The following TEP1 variants were observed in gnomAD, a reference collection of about 807,000 sequenced individuals.
TEP1 encodes the protein telomerase protein component 1.
Under a neutral mutation model 306.3 loss-of-function variants are expected in TEP1, and 241 were observed. The observed-to-expected ratio is 0.79, with a 90% CI of 0.71 to 0.88. The LOEUF is 0.88. Among genes scored for constraint, TEP1 ranks in the 40% least tolerant of loss-of-function variants. The pLI is 0.00. For synonymous variants in TEP1, 1,289 were observed against 1,305.5 expected, an observed-to-expected ratio of 0.99 and a Z score of 0.27; for missense variants, 3,051 against 3,276.1, an observed-to-expected ratio of 0.93 and a Z score of 1.68.
chr14:20,391,722 G>C lies in TEP1; in HGVS notation c.1974C>G (p.Ala658=), dbSNP rs770488810. 6.2e-7 allele frequency: 1 copy of C among 1,614,152 alleles called. No homozygotes were observed. Among genetic ancestry groups the C allele is most frequent in the Non-Finnish European group, 8.5e-7 (1 of 1,180,024 alleles). ...CAGAGAGGTTCACAGCTGTCTCTAG[G>C]GCCTGTCGGTACCTGTTCAGCATCT... ...DGEMLNRYRQ[A]LETAVNLSVK... is the part of the protein sequence containing the mutation. Residue 658 remains alanine (A), a synonymous_variant, in exon 13 of 55, where the codon GCC becomes GCG. Transcript: ENST00000262715.
At position 20,387,931 on chromosome 14, in the gene TEP1, G is replaced by A. The variant is rs1362735224; in HGVS notation, c.2658C>T (p.Ser886=). Residue 886 remains serine (S), a synonymous_variant, in exon 18 of 55, where the codon AGC becomes AGT. Coordinates refer to ENST00000262715, the MANE Select transcript of TEP1 (RefSeq NM_007110.5). ...SLRPLEEDTP[S]PLAPVSQQGW... ...CTTGCTGGGAAACAGGAGCCAAGGGGCTTGGAGTGTCCTCTTCCAGTGGCC... is the reference window on the plus strand; with the variant it reads ...CTTGCTGGGAAACAGGAGCCAAGGGACTTGGAGTGTCCTCTTCCAGTGGCC... 2 of 1,613,216 alleles carry A rather than the reference G, an allele frequency of 1.2e-6. No individual in the cohort carries two copies. Among genetic ancestry groups the A allele is most frequent in the Non-Finnish European group, 1.7e-6 (2 of 1,179,760 alleles).
At chr14:20,396,305 T>C (rs957580099) in intron 10 of TEP1, among the ~76,000 whole-genome samples, 2 of 152,164 alleles carry the variant, frequency 1.3e-5, no homozygotes, top group African/African-American at 4.8e-5. Flanking sequence ...CCCATCTCTA[T>C]AAATAAAAAA....
chr14:20,396,616 C>T lies in TEP1; in HGVS notation c.1659+5G>A. On this transcript the variant is annotated splice_donor_5th_base_variant and intron_variant, in intron 10 of 54. Transcript: ENST00000262715. ...GCCCCATGGCTACCAGCCCCTCACA[C>T]ATACCGCATGCTGGAGTCTCTGGAG... 1 of 1,604,242 alleles carries T rather than the reference C, an allele frequency of 6.2e-7. No homozygotes were observed. The highest frequency in any genetic ancestry group is 1.7e-4 in the Middle Eastern group (1 of 6,028).
chr14:20,402,073 T>A (rs1003059321), intron 7 of TEP1, among the ~76,000 whole-genome samples: 2 of 152,070 alleles, frequency 1.3e-5, no homozygotes, highest in Non-Finnish European at 2.9e-5. Context: ...TCCCAGCTAC[T>A]CGGGAGGGAG....
In TEP1 at chr14:20,378,060, C is replaced by T. The variant is rs780384587; in HGVS notation, c.5685G>A (p.Ala1895=). Residue 1895 remains alanine, a synonymous_variant, in exon 39 of 55, where the codon GCG becomes GCA. Coordinates refer to ENST00000262715, the MANE Select transcript of TEP1 (RefSeq NM_007110.5). ...GFVAAALFLH[A]GCQLLTAGED... ...CTCCAGCCGTCAGTAACTGGCAACC[C>T]GCATGCAGGAAAAGCGCAGCAGCAA... is the stretch of plus-strand genomic sequence containing the variant. 36 of 1,613,622 alleles carry T rather than the reference C, an allele frequency of 2.2e-5. No homozygotes were observed. Among genetic ancestry groups the T allele is most frequent in the African/African-American group, 4.0e-5 (3 of 74,888 alleles).
At chr14:20,393,453 C>T (rs1877907026) in intron 12 of TEP1, among the ~76,000 whole-genome samples, 1 of 152,144 alleles carries the variant, frequency 6.6e-6, no homozygotes, top group African/African-American at 2.4e-5. Context: ...CTAATAGTCA[C>T]ATTTTAAACA....
chr14:20,387,285 G>A lies in TEP1; in HGVS notation c.2684+620C>T, dbSNP rs1360530233. 1.4e-4 allele frequency among the ~76,000 whole-genome samples: 21 copies of A among 145,180 alleles called. No homozygotes were observed. The South Asian group carries it at 3.4e-3, about 24-fold the overall frequency. ...CAACTGGTCAGGCGCGATGGCTCAC[G>A]CCTGTAATCCCAGCACTTTGGGAGG... On this transcript the variant is annotated intron_variant, in intron 18 of 54. Transcript: ENST00000262715.
Position 20,377,356 on chromosome 14 carries a change from G to A in TEP1, c.6012C>T (p.Ser2004=). 1 of 1,614,124 alleles carries A rather than the reference G, an allele frequency of 6.2e-7. No individual in the cohort carries two copies. Among genetic ancestry groups the A allele is most frequent in the Non-Finnish European group, 8.5e-7 (1 of 1,180,026 alleles). ...TCTGGAATCTGGACAGGAGCCAGAG[G>A]GACTGAAGGGAGCATTCCTTGAGTG... is the stretch of plus-strand genomic sequence containing the variant. ...GWALKECSLQ[S]LWLLSRFQKP... is the part of the protein sequence containing the mutation. The change falls in exon 41 of 55, where the codon TCC becomes TCT. Residue 2004 remains serine (S), a synonymous_variant. Transcript: ENST00000262715.
chr14:20,376,039 T>G, intron 42 of TEP1, 65 bp downstream of exon 42: 1 of 1,578,068 alleles, frequency 6.3e-7, no homozygotes, highest in Non-Finnish European at 8.6e-7. Context: ...GGGAAATGGG[T>G]TGTTAAGAAA....
At chr14:20,385,208 T>C in intron 20 of TEP1, 99 bp from the exon 21 acceptor site, 1 of 1,469,804 alleles carries the variant, frequency 6.8e-7, no homozygotes, top group Non-Finnish European at 9.3e-7. Flanking sequence ...CTGATGTTCC[T>C]CTCTCCTTCC....
At chr14:20,373,900 G>A in intron 44 of TEP1, 90 bp from the exon 45 acceptor site, 2 of 1,510,294 alleles carry the variant, frequency 1.3e-6, no homozygotes, top group South Asian at 1.2e-5. Flanking sequence ...GGAGCATTAG[G>A]AGCATGGAAG....
At chr14:20,403,654 A>G in intron 6 of TEP1, 69 bp downstream of exon 6, 1 of 1,606,684 alleles carries the variant, frequency 6.2e-7, no homozygotes. Context: ...CCCCAGCATC[A>G]GCATGCTCCC....
chr14:20,399,249 A>G (rs1032984727), intron 9 of TEP1, among the ~76,000 whole-genome samples: 1 of 152,226 alleles, frequency 6.6e-6, no homozygotes, highest in Non-Finnish European at 1.5e-5. Context: ...TATATGTACT[A>G]TAAATGAACT....
chr14:20,371,804 G>A lies in TEP1; in HGVS notation c.7077-172C>T, dbSNP rs73585164. ...TTGTTTTTTAACATTAGTATTCATC[G>A]GTGCCATCCCATTACTTGCTCAAAC... On this transcript the variant is annotated intron_variant, in intron 49 of 54. Coordinates refer to ENST00000262715, the MANE Select transcript of TEP1 (RefSeq NM_007110.5). 3.8e-3 allele frequency among the ~76,000 whole-genome samples: 573 copies of A among 152,048 alleles called. 4 individuals carry two copies. The highest frequency in any genetic ancestry group is 0.013 in the African/African-American group (550 of 41,460).
At position 20,383,559 on chromosome 14, in the gene TEP1, C is replaced by G. The variant is rs761115756; in HGVS notation, c.3796G>C (p.Asp1266His). Residue 1266 changes from aspartate (D) to histidine (H), a missense_variant, in exon 26 of 55, where the codon GAT becomes CAT. Asp to His is a moderately conservative substitution (Grantham distance 81). This residue lies in a region of TEP1 where 1,540 missense variants were observed against 1,705.9 expected (regional missense o/e 0.90). Coordinates refer to ENST00000262715, the MANE Select transcript of TEP1 (RefSeq NM_007110.5). ...HPGQTQVLII[D>H]GADRLVDQNG... ...TGGTCCACTAACCTATCAGCCCCAT[C>G]GATGATCAGGACCTGGGTCTGGCCA... 6.2e-7 allele frequency: 1 copy of G among 1,614,186 alleles called. No homozygotes were observed. The highest frequency in any genetic ancestry group is 8.5e-7 in the Non-Finnish European group (1 of 1,180,034).
rs777837972 is a variant in TEP1, at chr14:20,368,855, C to T, written c.7704G>A (p.Leu2568=). The change falls in exon 54 of 55, where the codon CTG becomes CTA. Residue 2568 remains leucine (L), a synonymous_variant. Coordinates refer to ENST00000262715, the MANE Select transcript of TEP1 (RefSeq NM_007110.5). Reference sequence around the variant, plus strand: ...CATCTCTGTCCTTCGAAGCTGTCACCAGCAACTCAGGTAGCACATGGAGGG... The same window carrying T: ...CATCTCTGTCCTTCGAAGCTGTCACTAGCAACTCAGGTAGCACATGGAGGG... ...VTALHVLPEL[L]VTASKDRDVK... is the part of the protein sequence containing the mutation. 9.3e-6 allele frequency: 15 copies of T among 1,614,024 alleles called. No homozygotes were observed. Among genetic ancestry groups the T allele is most frequent in the Non-Finnish European group, 1.3e-5 (15 of 1,180,014 alleles).
chr14:20,379,195 AGGCACAAAGGCCAT>A, intron 35 of TEP1, 90 bp from the exon 36 acceptor site: 1 of 1,515,704 alleles, frequency 6.6e-7, no homozygotes, highest in South Asian at 1.3e-5. Context: ...AAGAAGGCCA[AGGCACAAAGGCCAT>A]GAGTCCTTGG....
At chr14:20,382,511 T>A in intron 28 of TEP1, 112 bp downstream of exon 28, 2 of 1,526,608 alleles carry the variant, frequency 1.3e-6, no homozygotes, top group Admixed American at 3.4e-5. Flanking sequence ...GAGGCGAGGA[T>A]AGGGAGTGGG....
Position 20,382,203 on chromosome 14 carries a change from C to T in TEP1, c.4273+21G>A, listed in dbSNP as rs760794673. ...GAACCCTGGCCCTCAGCCTCCCAACCAACCCACCCCAAGCACTGACCACTC... is the reference window on the plus strand; with the variant it reads ...GAACCCTGGCCCTCAGCCTCCCAACTAACCCACCCCAAGCACTGACCACTC... On this transcript the variant is annotated intron_variant, in intron 29 of 54. Coordinates refer to ENST00000262715, the MANE Select transcript of TEP1 (RefSeq NM_007110.5). 1.2e-5 allele frequency: 20 copies of T among 1,614,104 alleles called. No individual in the cohort carries two copies. In the South Asian group the frequency reaches 2.1e-4, roughly 17 times the overall value.
Sources: allele counts gnomAD v4.1 joint callset (sites outside exome capture counted in the v4.1 genomes callset), GRCh38; gene constraint gnomAD v4.1.1; regional missense constraint gnomAD v4.1.1; transcripts MANE v1.5; gene names NCBI Gene and HGNC (gene_info 2026-07-23, HGNC 2026-07-21).